The following LZTFL1 variants were observed in gnomAD, a reference collection of about 807,000 sequenced individuals.
LZTFL1 encodes the protein leucine zipper transcription factor-like protein 1.
Under a neutral mutation model 45.9 loss-of-function variants are expected in LZTFL1, and 25 were observed. That is an observed-to-expected ratio of 0.54 (90% CI 0.40 to 0.76). The LOEUF is 0.76. Among genes scored for constraint, LZTFL1 ranks in the 30% least tolerant of loss-of-function variants. LZTFL1 has a pLI of 0.00. For synonymous variants in LZTFL1, 93 were observed against 117.4 expected (o/e 0.79, Z 1.35); for missense variants, 277 against 331.1 (o/e 0.84, Z 1.27).
chr3:45,835,989 A>C (rs987498481), intron 2 of LZTFL1, among the ~76,000 whole-genome samples: 1 of 152,234 alleles, frequency 6.6e-6, no homozygotes, highest in Non-Finnish European at 1.5e-5. Context: ...AAATGATTAA[A>C]TTGTGCACAT....
intron 2 of LZTFL1, among the ~76,000 whole-genome samples, chr3:45,890,347 T>TTTATATA (rs1559421639): frequency 0.056 from 1,378 of 24,498 alleles, 248 homozygotes; most frequent in African/African-American, 0.17. Flanking sequence ...CATATATATA[T>TTTATATA]AACATATATA....
At position 45,890,352 on chromosome 3, in the gene LZTFL1, T is replaced by TATATATATATATAAC. The variant is rs1559421683; in HGVS notation, c.-215+22753_-215+22767dup. ...ATATATATAACATATATATATAACA[T>TATATATATATATAAC]ATATATATATATAACATATATAAAG... is the stretch of plus-strand genomic sequence containing the variant. On this transcript the variant is annotated intron_variant, in intron 2 of 4. Transcript: ENST00000472635. Among the ~76,000 whole-genome samples, 11 of 16,170 alleles carry TATATATATATATAAC rather than the reference T, an allele frequency of 6.8e-4. 3 individuals carry two copies. Among genetic ancestry groups the TATATATATATATAAC allele is most frequent in the African/African-American group, 2.7e-3 (11 of 4,032 alleles). 10.6% of individuals were successfully genotyped at this position (16,170 alleles called of 152,430 possible).
intron 2 of LZTFL1, among the ~76,000 whole-genome samples, chr3:45,911,371 A>C (rs1702792220): frequency 2.6e-5 from 4 of 152,212 alleles, no homozygotes; most frequent in Admixed American, 2.6e-4. Flanking sequence ...AGAGAGTAAA[A>C]GGGATTGGAC....
chr3:45,874,567 C>T (rs1701718726), intron 2 of LZTFL1, among the ~76,000 whole-genome samples: 1 of 152,266 alleles, frequency 6.6e-6, no homozygotes, highest in East Asian at 1.9e-4. Flanking sequence ...GCTCTATTCC[C>T]TTCCCTTCCC....
At chr3:45,891,185 G>A (rs1390511915) in intron 2 of LZTFL1, among the ~76,000 whole-genome samples, 1 of 152,232 alleles carries the variant, frequency 6.6e-6, no homozygotes, top group Non-Finnish European at 1.5e-5. Flanking sequence ...ATGCCCAGGT[G>A]GCTGGGTAAG....
chr3:45,828,238 TCA>T (rs1218325352), intron 8 of LZTFL1, among the ~76,000 whole-genome samples, 199 bp downstream of exon 8: 6 of 152,160 alleles, frequency 3.9e-5, no homozygotes, highest in African/African-American at 1.4e-4. Flanking sequence ...TGTCTTATTA[TCA>T]CAGATATTTT....
intron 3 of LZTFL1, among the ~76,000 whole-genome samples, chr3:45,857,974 A>G (rs1274637753): frequency 6.6e-6 from 1 of 152,228 alleles, no homozygotes; most frequent in African/African-American, 2.4e-5. Context: ...CAAATTGGTT[A>G]ATCATAATGA....
intron 2 of LZTFL1, among the ~76,000 whole-genome samples, chr3:45,868,264 T>TG (rs1255505111): frequency 2.0e-5 from 3 of 151,466 alleles, no homozygotes; most frequent in Non-Finnish European, 4.4e-5. Flanking sequence ...ACTGAACCTG[T>TG]GCAAGTGAAA....
Position 45,889,466 on chromosome 3 carries a change from C to T in LZTFL1, c.-215+23654G>A, listed in dbSNP as rs541942226. 4.6e-5 allele frequency among the ~76,000 whole-genome samples: 7 copies of T among 152,128 alleles called. No individual in the cohort carries two copies. The East Asian group carries it at 7.7e-4, about 17-fold the overall frequency. ...GAGTTTTGTAAACAGGTGTGCTGAA[C>T]GTTAGAGCATTGGGCTTCTTCTTCT... On this transcript the variant is annotated intron_variant, in intron 2 of 4. Coordinates refer to the LZTFL1 transcript ENST00000472635.
At chr3:45,844,970 T>C (rs1476667989), upstream of LZTFL1, among the ~76,000 whole-genome samples, 1 of 152,216 alleles carries the variant, frequency 6.6e-6, no homozygotes, top group Non-Finnish European at 1.5e-5. Flanking sequence ...GTTTCACTGA[T>C]AATCTCAATG....
intron 7 of LZTFL1, among the ~76,000 whole-genome samples, chr3:45,829,914 G>C (rs1307342936): frequency 6.6e-6 from 1 of 152,146 alleles, no homozygotes; most frequent in East Asian, 1.9e-4. Context: ...AAAATCATTA[G>C]CTATATAAGA....
In LZTFL1 at chr3:45,835,837, C is replaced by T. The variant is rs991710819; in HGVS notation, c.129-53G>A. 6.2e-6 allele frequency: 8 copies of T among 1,290,892 alleles called. No individual in the cohort carries two copies. The East Asian group carries it at 9.6e-5, about 15-fold the overall frequency. 80.0% of individuals were successfully genotyped at this position (1,290,892 alleles called of 1,614,324 possible). ...ATAGAAAAACAACAAGAAAAATCTA[C>T]AAAATACAGCAAAATTAAGAAACCC... On this transcript the variant is annotated intron_variant, in intron 2 of 9. Transcript: ENST00000296135.
chr3:45,904,954 A>C (rs1222809095), intron 2 of LZTFL1, among the ~76,000 whole-genome samples: 1 of 152,066 alleles, frequency 6.6e-6, no homozygotes, highest in African/African-American at 2.4e-5. Context: ...TCTGTCCCTC[A>C]CTGAAGTTGG....
At chr3:45,892,843 A>C (rs1198647692) in intron 2 of LZTFL1, among the ~76,000 whole-genome samples, 1 of 152,154 alleles carries the variant, frequency 6.6e-6, no homozygotes. Flanking sequence ...ACCAGCAGAG[A>C]GGTTACCAGG....
chr3:45,895,038 G>A, intron 2 of LZTFL1: 2 of 1,362,730 alleles, frequency 1.5e-6, no homozygotes, highest in South Asian at 1.2e-5. Context: ...TCCACTGTGG[G>A]GGAAGGATTT....
At chr3:45,903,631 C>T (rs1269118425) in intron 2 of LZTFL1, among the ~76,000 whole-genome samples, 1 of 152,190 alleles carries the variant, frequency 6.6e-6, no homozygotes, top group South Asian at 2.1e-4. Context: ...ACTTCTAAAG[C>T]ACATGAGAAT....
intron 2 of LZTFL1, among the ~76,000 whole-genome samples, chr3:45,904,963 G>T (rs1268704106): frequency 1.3e-5 from 2 of 152,112 alleles, no homozygotes; most frequent in Non-Finnish European, 2.9e-5. Flanking sequence ...CACTGAAGTT[G>T]GCCACTCCAG....
chr3:45,838,188 C>T (rs1701014179), intron 1 of LZTFL1, 137 bp from the exon 2 acceptor site: 2 of 909,556 alleles, frequency 2.2e-6, no homozygotes, highest in South Asian at 3.6e-5. Context: ...TTCCTGGCTG[C>T]ATGGCTGCCC....
chr3:45,842,493 G>A (rs1701146569), upstream of LZTFL1, among the ~76,000 whole-genome samples: 2 of 151,222 alleles, frequency 1.3e-5, no homozygotes, highest in African/African-American at 4.9e-5. Context: ...TTTTTTTTCA[G>A]GAGTTCCTAC....
Sources: gnomAD v4.1 joint callset for allele counts (sites outside exome capture counted in the v4.1 genomes callset) on GRCh38, gnomAD v4.1.1 for gene constraint, MANE v1.5 for transcripts, NCBI Gene and HGNC (gene_info 2026-07-23, HGNC 2026-07-21) for gene names.